The following PELP1 variants were observed in gnomAD, a reference collection of about 807,000 sequenced individuals.
The protein encoded by PELP1 is proline, glutamate and leucine rich protein 1, also known as proline-, glutamic acid- and leucine-rich protein 1.
In PELP1, 32 loss-of-function variants were observed where a neutral mutation model predicts 95.5. The observed-to-expected ratio is 0.34, with a 90% CI of 0.25 to 0.45. The LOEUF (loss-of-function observed/expected upper bound fraction) is 0.45. Ranked by LOEUF, PELP1 falls within the 20% of genes least tolerant of loss-of-function variation. The probability of loss-of-function intolerance (pLI) is 1.00; values close to 1 mark genes in which losing one functional copy is unlikely to be tolerated. For synonymous variants in PELP1, 668 were observed against 600.1 expected (o/e 1.11, Z -1.65); for missense variants, 1,358 against 1,444.8 (o/e 0.94, Z 0.97).
In PELP1 at chr17:4,683,449, G is replaced by A. The variant is rs571438532; in HGVS notation, c.421-497C>T. ...GTTAGCCAGGATGGTCTCGATCTCC[G>A]ACCTCGTGATCTGCCCGCCTTGGCC... On this transcript the variant is annotated intron_variant, in intron 3 of 16. Coordinates refer to ENST00000572293, the MANE Select transcript of PELP1 (RefSeq NM_014389.3). Among the ~76,000 whole-genome samples the A allele has an allele frequency of 7.2e-5, 10 of 138,108 alleles. No individual in the cohort carries two copies. In the South Asian group the frequency reaches 1.7e-3, roughly 24 times the overall value. 90.6% of individuals were successfully genotyped at this position (138,108 alleles called of 152,430 possible).
chr17:4,694,260 ATTTC>A (rs1252665461), intron 1 of PELP1, among the ~76,000 whole-genome samples: 2 of 152,090 alleles, frequency 1.3e-5, no homozygotes, highest in African/African-American at 4.8e-5. Context: ...TGGGTACAGA[ATTTC>A]TTTATGGAGT....
In PELP1 at chr17:4,671,083, C is replaced by T. The variant is rs1337117919; in HGVS notation, c.*356G>A. The T allele has an allele frequency of 3.3e-6, 1 of 304,082 alleles. No individual in the cohort carries two copies. The highest frequency in any genetic ancestry group is 6.2e-6 in the Non-Finnish European group (1 of 160,610). The allele number at this position is 304,082 out of a possible 1,614,324, so 18.8% of individuals were successfully genotyped here. On this transcript the variant is annotated 3_prime_UTR_variant, in exon 17 of 17. Coordinates refer to ENST00000572293, the MANE Select transcript of PELP1 (RefSeq NM_014389.3). The stretch of plus-strand genomic sequence containing the variant: ...AGGTCCACTCACTAGGATGCATTCT[C>T]CACACATTTCCCACCCCGAATACAA...
intron 3 of PELP1, among the ~76,000 whole-genome samples, chr17:4,686,505 G>A (rs931893834): frequency 6.6e-6 from 1 of 152,030 alleles, no homozygotes; most frequent in African/African-American, 2.4e-5. Flanking sequence ...CAGGCAGCCA[G>A]AGATATATTT....
intron 3 of PELP1, among the ~76,000 whole-genome samples, chr17:4,684,007 A>T (rs1045154307): frequency 6.6e-6 from 1 of 151,888 alleles, no homozygotes; most frequent in Non-Finnish European, 1.5e-5. Flanking sequence ...ATAAGCCTCA[A>T]CCATAACAAG....
At position 4,671,989 on chromosome 17, in the gene PELP1, G is replaced by T; in HGVS notation, c.3002C>A (p.Pro1001His). The T allele has an allele frequency of 6.5e-7, 1 of 1,549,508 alleles. No individual in the cohort carries two copies. Among genetic ancestry groups the T allele is most frequent in the Non-Finnish European group, 8.7e-7 (1 of 1,151,784 alleles). The change falls in exon 16 of 17, where the codon CCT becomes CAT. Residue 1001 changes from proline (P) to histidine (H), a missense_variant. Transcript: ENST00000572293. ...CACTTCCAAAAGCAGCCCGGGTTCA[G>T]GTTCGGGTTCTGGCTGCACCTTTGG... ...SPPKVQPEPE[P>H]EPGLLLEVEE...
At chr17:4,681,306 G>C (rs1199397798) in intron 5 of PELP1, among the ~76,000 whole-genome samples, 1 of 152,108 alleles carries the variant, frequency 6.6e-6, no homozygotes, top group Admixed American at 6.6e-5. Context: ...CCAACATAGT[G>C]ATACCTCGTC....
chr17:4,682,627 T>A (rs1912732321), intron 4 of PELP1, 54 bp from the exon 5 acceptor site: 1 of 1,506,172 alleles, frequency 6.6e-7, no homozygotes, highest in Non-Finnish European at 9.2e-7. Context: ...TGTCACCATA[T>A]TCCATCTCCC....
In PELP1 at chr17:4,674,537, T is replaced by C. The variant is rs1276636030; in HGVS notation, c.1555A>G (p.Ser519Gly). The C allele has an allele frequency of 1.2e-6, 2 of 1,613,256 alleles. No individual in the cohort carries two copies. Among genetic ancestry groups the C allele is most frequent in the Admixed American group, 3.3e-5 (2 of 59,776 alleles). ...CTGAGTGCAGCCGCACACACGTCGC[T>C]GTTGGCATTGCTATCCCCTTTCCGG... is the stretch of plus-strand genomic sequence containing the variant. The part of the protein sequence containing the change: ...SHRKGDSNAN[S>G]DVCAAALRGL... Residue 519 changes from serine to glycine, a missense_variant, in exon 13 of 17, where the codon AGC becomes GGC. Ser to Gly is a moderately conservative substitution (Grantham distance 56, BLOSUM62 0). This residue lies in a region of PELP1 where 538 missense variants were observed against 628.1 expected (regional missense o/e 0.86). Transcript: ENST00000572293.
At chr17:4,693,521 T>C (rs1367219193) in intron 1 of PELP1, among the ~76,000 whole-genome samples, 1 of 152,218 alleles carries the variant, frequency 6.6e-6, no homozygotes, top group Non-Finnish European at 1.5e-5. Context: ...TATAATAATA[T>C]GCCAGCATCT....
In PELP1 at chr17:4,682,881, C is replaced by G. The variant is rs1228593100; in HGVS notation, c.492G>C (p.Gln164His). 1.9e-6 allele frequency: 3 copies of G among 1,597,230 alleles called. No individual in the cohort carries two copies. In the African/African-American group the frequency reaches 4.0e-5, roughly 21 times the overall value. ...VLRDLLRYAA[Q>H]LPALFRDISM... ...AGATGTCCCGGAACAGTGCAGGCAG[C>G]TGGGCTGCATATCGGAGGAGGTCCC... The change falls in exon 4 of 17, where the codon CAG (glutamine) becomes CAC (histidine). Residue 164 changes from glutamine to histidine, a missense_variant. Gln to His is a conservative substitution (Grantham distance 24, BLOSUM62 0). Around this residue, in one of 7 missense-constraint regions of PELP1, gnomAD observed 538 missense variants for 628.1 expected, o/e 0.86. Coordinates refer to ENST00000572293, the MANE Select transcript of PELP1 (RefSeq NM_014389.3).
chr17:4,695,667 TAAAAA>T (rs71147081), intron 1 of PELP1, among the ~76,000 whole-genome samples: 15 of 62,582 alleles, frequency 2.4e-4, no homozygotes, highest in African/African-American at 6.6e-4. Context: ...CCCTCTCTCT[TAAAAA>T]AAAAAAAAAA....
intron 1 of PELP1, among the ~76,000 whole-genome samples, chr17:4,695,642 G>A (rs1001649365): frequency 3.5e-5 from 5 of 144,322 alleles, no homozygotes; most frequent in African/African-American, 1.3e-4. Context: ...CTCCAGCCTG[G>A]GCAAAAGAGT....
At chr17:4,685,970 G>A (rs1273790864) in intron 3 of PELP1, among the ~76,000 whole-genome samples, 10 of 151,948 alleles carry the variant, frequency 6.6e-5, no homozygotes, top group South Asian at 2.1e-4. Flanking sequence ...GGTGATAGGC[G>A]CCTGTAATCC....
At position 4,673,322 on chromosome 17, in the gene PELP1, A is replaced by C; in HGVS notation, c.1773T>G (p.Ser591=). The change falls in exon 15 of 17, where the codon TCT becomes TCG. Residue 591 remains serine, a synonymous_variant. Transcript: ENST00000572293. This position sits in a 1 kb window ranked among gnomAD's most constrained non-coding sequence, Gnocchi z 5.7. ...AGGCAAGAGGAGGTGGGCAGCGAGGAGACGGGGCCAGCAGCAGCGCCAGCA... is the reference window on the plus strand; with the variant it reads ...AGGCAAGAGGAGGTGGGCAGCGAGGCGACGGGGCCAGCAGCAGCGCCAGCA... ...CLLLALLLAP[S]PRCPPPLACA... is the part of the protein sequence containing the mutation. The C allele has an allele frequency of 6.3e-7, 1 of 1,589,410 alleles. No homozygotes were observed. Among genetic ancestry groups the C allele is most frequent in the Non-Finnish European group, 8.6e-7 (1 of 1,168,088 alleles).
intron 1 of PELP1, among the ~76,000 whole-genome samples, chr17:4,699,897 ATTTTTTTTTTT>A (rs34806511): frequency 1.2e-5 from 1 of 86,740 alleles, no homozygotes; most frequent in African/African-American, 4.7e-5. Context: ...CTAGAGGGTG[ATTTTTTTTTTT>A]TTTTTTTTTT....
chr17:4,676,765 AG>A lies in PELP1; in HGVS notation c.689del (p.Pro230LeufsTer17). ...FFLSRVDALS[P>X]QLQQLACECY... ...CCCTGCCCTTTACCTGTTGGAGCTG[AG>A]GGCTCAAGGCATCCACCCTAGACAG... On this transcript the variant is annotated frameshift_variant, in exon 6 of 17. Transcript: ENST00000572293. LOFTEE classifies it high-confidence loss of function. 6.4e-7 allele frequency: 1 copy of A among 1,569,916 alleles called. No homozygotes were observed. Among genetic ancestry groups the A allele is most frequent in the Non-Finnish European group, 8.6e-7 (1 of 1,157,020 alleles).
At chr17:4,671,646 GCCCCA>G in intron 16 of PELP1, 40 bp downstream of exon 16, 2 of 1,600,610 alleles carry the variant, frequency 1.2e-6, no homozygotes, top group Non-Finnish European at 1.7e-6. Context: ...TCTCCCGCCA[GCCCCA>G]CCTTCTCGCC....
chr17:4,695,667 TAAAAAAAAAAA>T (rs71147081), intron 1 of PELP1, among the ~76,000 whole-genome samples: 4 of 62,560 alleles, frequency 6.4e-5, no homozygotes, highest in Non-Finnish European at 6.3e-5. Flanking sequence ...CCCTCTCTCT[TAAAAAAAAAAA>T]AAAAAAAAAA....
At position 4,674,689 on chromosome 17, in the gene PELP1, A is replaced by C. The variant is rs769870918; in HGVS notation, c.1423-20T>G. 3.1e-6 allele frequency: 5 copies of C among 1,592,428 alleles called. No individual in the cohort carries two copies. In the Admixed American group the frequency reaches 9.4e-5, roughly 30 times the overall value. The stretch of plus-strand genomic sequence containing the variant: ...ACGCAGCTGGAGGCAGAGAAAACAT[A>C]AATCACATCCACAGGCAAACAACAA... On this transcript the variant is annotated intron_variant, in intron 12 of 16. Coordinates refer to ENST00000572293, the MANE Select transcript of PELP1 (RefSeq NM_014389.3).
Sources: gnomAD v4.1 joint callset for allele counts (sites outside exome capture counted in the v4.1 genomes callset) on GRCh38, gnomAD v4.1.1 for gene constraint, gnomAD v4.1.1 regional missense constraint, Gnocchi (gnomAD v3.1) non-coding constraint, MANE v1.5 for transcripts, NCBI Gene and HGNC (gene_info 2026-07-23, HGNC 2026-07-21) for gene names.